Variants in MNAT1 observed in about 807,000 individuals in gnomAD.
MNAT1 encodes the protein MNAT1 component of CDK activating kinase, also known as CDK-activating kinase assembly factor MAT1.
Under a neutral mutation model 42.0 loss-of-function variants are expected in MNAT1, and 43 were observed. The ratio of observed to expected loss-of-function variants is 1.02; its 90% confidence interval spans 0.80 to 1.32. The LOEUF (loss-of-function observed/expected upper bound fraction) is 1.32. Ranked by LOEUF, MNAT1 falls within the 40% of genes most tolerant of loss-of-function variation. MNAT1 has a pLI of 0.00. For missense variants in MNAT1, 306 were observed against 350.4 expected, an observed-to-expected ratio of 0.87 and a Z score of 1.01; for synonymous variants, 118 against 120.0, an observed-to-expected ratio of 0.98 and a Z score of 0.11.
chr14:60,945,532 C>T (rs796830245), intron 7 of MNAT1, among the ~76,000 whole-genome samples: 3 of 152,226 alleles, frequency 2.0e-5, no homozygotes, highest in African/African-American at 7.2e-5. Flanking sequence ...GAGAGAAGGG[C>T]TTAGGCCACT....
At chr14:60,811,785 C>T (rs1333940046) in intron 4 of MNAT1, among the ~76,000 whole-genome samples, 1 of 152,052 alleles carries the variant, frequency 6.6e-6, no homozygotes, top group Non-Finnish European at 1.5e-5. Context: ...TATGGTATAA[C>T]AGAATAGTTG....
chr14:60,889,718 T>C (rs2034786724), intron 7 of MNAT1, among the ~76,000 whole-genome samples: 1 of 152,158 alleles, frequency 6.6e-6, no homozygotes, highest in Admixed American at 6.5e-5. Flanking sequence ...AAAGAGCTAA[T>C]ATCCAGAATC....
At chr14:60,943,193 T>G (rs994511436) in intron 7 of MNAT1, among the ~76,000 whole-genome samples, 1 of 152,050 alleles carries the variant, frequency 6.6e-6, no homozygotes, top group South Asian at 2.1e-4. Context: ...GTTCCTCTGA[T>G]GCATACTGAA....
At chr14:60,938,032 G>A (rs904334938) in intron 7 of MNAT1, among the ~76,000 whole-genome samples, 5 of 152,128 alleles carry the variant, frequency 3.3e-5, no homozygotes, top group African/African-American at 9.7e-5. Flanking sequence ...CTGTTTGTCT[G>A]TTATTGGTGT....
chr14:60,950,082 T>G (rs957399639), intron 7 of MNAT1, among the ~76,000 whole-genome samples: 6 of 152,182 alleles, frequency 3.9e-5, no homozygotes, highest in African/African-American at 1.4e-4. Flanking sequence ...TGTTATTGTT[T>G]GCTTTAGAGA....
chr14:60,745,316 C>T (rs923079294), intron 1 of MNAT1, among the ~76,000 whole-genome samples: 4 of 152,212 alleles, frequency 2.6e-5, no homozygotes, highest in African/African-American at 9.6e-5. Context: ...AGTCTGGCAT[C>T]AGTTACTCCA....
At chr14:60,778,808 C>T (rs926622476) in intron 1 of MNAT1, among the ~76,000 whole-genome samples, 1 of 152,160 alleles carries the variant, frequency 6.6e-6, no homozygotes, top group African/African-American at 2.4e-5. Flanking sequence ...TTCATCCCTC[C>T]AGAATGCTTG....
intron 1 of MNAT1, among the ~76,000 whole-genome samples, chr14:60,760,449 G>C (rs2030554736): frequency 6.6e-6 from 1 of 151,982 alleles, no homozygotes; most frequent in South Asian, 2.1e-4. Flanking sequence ...ACTCACTGGG[G>C]TTACAATTAA....
intron 1 of MNAT1, among the ~76,000 whole-genome samples, chr14:60,752,972 C>T (rs1372414484): frequency 6.6e-6 from 1 of 152,136 alleles, no homozygotes; most frequent in East Asian, 1.9e-4. Context: ...GCCATGTTGG[C>T]CAGGCTAGTC....
chr14:60,944,269 A>G (rs2036231447), intron 7 of MNAT1, among the ~76,000 whole-genome samples: 1 of 152,208 alleles, frequency 6.6e-6, no homozygotes, highest in African/African-American at 2.4e-5. Flanking sequence ...AAGTTTCTAT[A>G]GTCCTTTTGT....
At chr14:60,908,197 A>C (rs11628101) in intron 7 of MNAT1, among the ~76,000 whole-genome samples, 138,538 of 152,200 alleles carry the variant, frequency 0.91, 63,833 homozygotes, top group Non-Finnish European at 0.99. Context: ...TTTGTTACTT[A>C]TTTCTTTCAT....
intron 6 of MNAT1, among the ~76,000 whole-genome samples, chr14:60,828,460 AG>A (rs1382626351): frequency 2.0e-5 from 3 of 152,108 alleles, no homozygotes; most frequent in African/African-American, 7.2e-5. Context: ...ACTCCTATAT[AG>A]TAGGAAAAAA....
intron 7 of MNAT1, among the ~76,000 whole-genome samples, chr14:60,924,769 G>C (rs1594879129): frequency 6.6e-6 from 1 of 152,200 alleles, no homozygotes; most frequent in South Asian, 2.1e-4. Flanking sequence ...GGTGAGTGAG[G>C]GCAAAAGCTG....
chr14:60,818,911 A>G (rs2032798230), intron 6 of MNAT1, 64 bp downstream of exon 6: 1 of 1,552,392 alleles, frequency 6.4e-7, no homozygotes, highest in African/African-American at 1.4e-5. Flanking sequence ...TTATAATTTT[A>G]CACGATTTCT....
At chr14:60,966,353 C>T (rs908696710) in intron 7 of MNAT1, among the ~76,000 whole-genome samples, 2 of 152,058 alleles carry the variant, frequency 1.3e-5, no homozygotes, top group Non-Finnish European at 2.9e-5. Flanking sequence ...CTCCTGTCCT[C>T]AGGTGATCCA....
At position 60,877,646 on chromosome 14, in the gene MNAT1, A is replaced by G. The variant is rs2034463284; in HGVS notation, c.688-2068A>G. Among the ~76,000 whole-genome samples, 3 of 152,042 alleles carry G rather than the reference A, an allele frequency of 2.0e-5. No homozygotes were observed. The South Asian group carries it at 6.2e-4, about 32-fold the overall frequency. The stretch of plus-strand genomic sequence containing the variant: ...GAAATAGAGAAATTGATAGAACTAT[A>G]CCAAGAAAAACAAGAGAACTAGGGT... On this transcript the variant is annotated intron_variant, in intron 6 of 7. Coordinates refer to ENST00000261245, the MANE Select transcript of MNAT1 (RefSeq NM_002431.4).
chr14:60,867,248 C>G (rs915684988), intron 6 of MNAT1, among the ~76,000 whole-genome samples: 1 of 151,986 alleles, frequency 6.6e-6, no homozygotes, highest in Non-Finnish European at 1.5e-5. Context: ...TGCTGAAGAG[C>G]TAGAAAAATA....
intron 1 of MNAT1, among the ~76,000 whole-genome samples, chr14:60,759,000 C>T (rs532657146): frequency 2.6e-5 from 4 of 152,118 alleles, no homozygotes; most frequent in Non-Finnish European, 5.9e-5. Context: ...CACACAGACC[C>T]CACATCATCC....
At chr14:60,802,995 C>T (rs1170536765) in intron 3 of MNAT1, among the ~76,000 whole-genome samples, 12 of 149,212 alleles carry the variant, frequency 8.0e-5, no homozygotes, top group East Asian at 2.0e-4. Flanking sequence ...TGTAGTGGCA[C>T]GATCTCGGCT....
Sources: gnomAD v4.1 joint callset for allele counts (sites outside exome capture counted in the v4.1 genomes callset) on GRCh38, gnomAD v4.1.1 for gene constraint, MANE v1.5 for transcripts, NCBI Gene and HGNC (gene_info 2026-07-23, HGNC 2026-07-21) for gene names.